The following MYBBP1A variants were observed in gnomAD, a reference collection of about 807,000 sequenced individuals.
MYBBP1A encodes the protein MYB binding protein 1a.
Under a neutral mutation model 136.3 loss-of-function variants are expected in MYBBP1A, and 147 were observed. That is an observed-to-expected ratio of 1.08 (90% CI 0.94 to 1.24). MYBBP1A has a LOEUF of 1.24. Among genes scored for constraint, MYBBP1A ranks in the 50% most tolerant of loss-of-function variants. The probability of loss-of-function intolerance (pLI) is 0.00; values close to 1 mark genes in which losing one functional copy is unlikely to be tolerated. For missense variants in MYBBP1A, 2,060 were observed against 1,727.4 expected, an observed-to-expected ratio of 1.19 and a Z score of -3.41; for synonymous variants, 947 against 735.8, an observed-to-expected ratio of 1.29 and a Z score of -4.65.
At position 4,548,424 on chromosome 17, in the gene MYBBP1A, G is replaced by GGGGCC; in HGVS notation, c.1556+95_1556+99dup. ...CTCTCCAGGACCTACTAGAACTCCG[G>GGGGCC]GGGCCTCTGCCGTTGTTCCCAGCTT... On this transcript the variant is annotated intron_variant, in intron 11 of 25. Transcript: ENST00000254718. This position sits in a 1 kb window ranked among gnomAD's most constrained non-coding sequence, Gnocchi z 4.2. 1 of 1,606,656 alleles carries GGGGCC rather than the reference G, an allele frequency of 6.2e-7. No individual in the cohort carries two copies. Among genetic ancestry groups the GGGGCC allele is most frequent in the Non-Finnish European group, 8.5e-7 (1 of 1,175,448 alleles).
At chr17:4,541,723 G>A (rs1235192336) in intron 23 of MYBBP1A, 61 bp downstream of exon 23, 3 of 1,517,712 alleles carry the variant, frequency 2.0e-6, no homozygotes, top group Non-Finnish European at 2.7e-6. Flanking sequence ...CTTTCCCAGA[G>A]ATCGGTCTCC....
chr17:4,546,256 T>C (rs1030632356), intron 13 of MYBBP1A, among the ~76,000 whole-genome samples: 17 of 152,312 alleles, frequency 1.1e-4, no homozygotes, highest in African/African-American at 1.7e-4. Flanking sequence ...GTAGCTGGGA[T>C]TGCAGGCGTG....
rs1280021266 is a variant in MYBBP1A, at chr17:4,542,668, C to T, written c.2966G>A (p.Arg989His). The stretch of plus-strand genomic sequence containing the variant: ...CATGGGAACTGTGAGGGGGCTGTTG[C>T]GCTTGGTCAGGAAGGAGCTCAGTGC... ...STALSSFLTK[R>H]NSPLTVPMFL... is the part of the protein sequence containing the mutation. Residue 989 changes from arginine to histidine, a missense_variant, in exon 21 of 26, where the codon CGC (arginine) becomes CAC (histidine). Arg to His is a conservative substitution (Grantham distance 29). Transcript: ENST00000254718. 1.1e-5 allele frequency: 17 copies of T among 1,614,040 alleles called. No individual in the cohort carries two copies. Among genetic ancestry groups the T allele is most frequent in the East Asian group, 2.2e-5 (1 of 44,874 alleles).
At chr17:4,549,305 A>AT in intron 10 of MYBBP1A, 27 bp downstream of exon 10, 1 of 1,599,832 alleles carries the variant, frequency 6.3e-7, no homozygotes, top group Non-Finnish European at 8.5e-7. Context: ...CGCCCATGGG[A>AT]AGCTGGGAAT....
At chr17:4,551,137 A>G (rs147989681) in intron 8 of MYBBP1A, among the ~76,000 whole-genome samples, 41 of 152,306 alleles carry the variant, frequency 2.7e-4, no homozygotes, top group African/African-American at 9.4e-4. Context: ...GTGCACCACC[A>G]TCCAACCCAA....
At chr17:4,549,779 C>G (rs1353482138) in intron 9 of MYBBP1A, among the ~76,000 whole-genome samples, 1 of 92,454 alleles carries the variant, frequency 1.1e-5, no homozygotes, top group African/African-American at 4.3e-5. Context: ...GAGAGTGAGA[C>G]TCTGTCAAAA....
chr17:4,551,985 G>A lies in MYBBP1A; in HGVS notation c.918C>T (p.Phe306=). ...GGGGCAGGGCCGCGCCCAGCAGGCGGAAACACAGGTAGCTAAAGGGGGTGC... is the reference window on the plus strand; with the variant it reads ...GGGGCAGGGCCGCGCCCAGCAGGCGAAAACACAGGTAGCTAAAGGGGGTGC... The part of the protein sequence containing the change: ...MQFWPASYLC[F]RLLGAALPLL... Residue 306 remains phenylalanine (F), a synonymous_variant, in exon 8 of 26, where the codon TTC becomes TTT. Coordinates refer to ENST00000254718, the MANE Select transcript of MYBBP1A (RefSeq NM_014520.4). 6.2e-7 allele frequency: 1 copy of A among 1,609,468 alleles called. No individual in the cohort carries two copies. The highest frequency in any genetic ancestry group is 8.5e-7 in the Non-Finnish European group (1 of 1,176,708).
Position 4,539,300 on chromosome 17 carries a change from A to C in MYBBP1A, c.*115T>G. On this transcript the variant is annotated 3_prime_UTR_variant, in exon 26 of 26. Transcript: ENST00000254718. The stretch of plus-strand genomic sequence containing the variant: ...GCAGGCGGCAACAGCCACCCTCCCC[A>C]GTGGCAGCGCCTTAGAAACAGCTTG... The C allele has an allele frequency of 6.7e-7, 1 of 1,495,092 alleles. No homozygotes were observed. Among genetic ancestry groups the C allele is most frequent in the Non-Finnish European group, 8.8e-7 (1 of 1,133,098 alleles). The allele number at this position is 1,495,092 out of a possible 1,614,324, so 92.6% of individuals were successfully genotyped here. A position where few individuals can be genotyped will look rare whatever the true frequency, so the allele number is the denominator to read the frequency against.
In MYBBP1A at chr17:4,544,708, G is replaced by A. The variant is rs144899208; in HGVS notation, c.2481+43C>T. On this transcript the variant is annotated intron_variant, in intron 18 of 25. Transcript: ENST00000254718. Reference sequence around the variant, plus strand: ...GGCGCACAGGGAGGCGGGGGTGGGCGCACAGGGAGGCGGGGGTGGGTGCGG... The same window carrying A: ...GGCGCACAGGGAGGCGGGGGTGGGCACACAGGGAGGCGGGGGTGGGTGCGG... The A allele has an allele frequency of 0.011, 9,036 of 830,144 alleles. 427 individuals are homozygous for A. In the African/African-American group the frequency reaches 0.12, roughly 11 times the overall value. The allele number at this position is 830,144 out of a possible 1,614,324, so 51.4% of individuals were successfully genotyped here. A position where few individuals can be genotyped will look rare whatever the true frequency, so the allele number is the denominator to read the frequency against.
rs752895132 is a variant in MYBBP1A, at chr17:4,551,994, G to A, written c.909C>T (p.Tyr303=). The change falls in exon 8 of 26, where the codon TAC becomes TAT. Residue 303 remains tyrosine (Y), a synonymous_variant. Transcript: ENST00000254718. Reference sequence around the variant, plus strand: ...CCGCGCCCAGCAGGCGGAAACACAGGTAGCTAAAGGGGGTGCAGGACAGAG... The same window carrying A: ...CCGCGCCCAGCAGGCGGAAACACAGATAGCTAAAGGGGGTGCAGGACAGAG... ...LLKMQFWPAS[Y]LCFRLLGAAL... 6.2e-7 allele frequency: 1 copy of A among 1,608,034 alleles called. No homozygotes were observed. Among genetic ancestry groups the A allele is most frequent in the Non-Finnish European group, 8.5e-7 (1 of 1,175,840 alleles).
rs534032400 is a variant in MYBBP1A, at chr17:4,550,123, G to C, written c.1254C>G (p.Asp418Glu). The change falls in exon 9 of 26, where the codon GAC becomes GAG. Residue 418 changes from aspartate to glutamate, a missense_variant. Transcript: ENST00000254718. Reference protein sequence around the residue: ...AWLRAMFLQPDLDSLVDFSTN... With the variant: ...AWLRAMFLQPELDSLVDFSTN... ...TGCTGAAGTCAACCAAGGAGTCCAG[G>C]TCTGGCTGGAGAAACATGGCCCGCA... The C allele has an allele frequency of 2.5e-6, 4 of 1,614,070 alleles. No individual in the cohort carries two copies. In the African/African-American group the frequency reaches 4.0e-5, roughly 16 times the overall value.
rs1567606947 is a variant in MYBBP1A at position 4,544,731 on chromosome 17, C to CACAGGGAGGCG, written c.2481+19_2481+20insCGCCTCCCTGT. 1.3e-6 allele frequency: 2 copies of CACAGGGAGGCG among 1,522,120 alleles called. No homozygotes were observed. Among genetic ancestry groups the CACAGGGAGGCG allele is most frequent in the African/African-American group, 2.8e-5 (2 of 72,490 alleles). The allele number at this position is 1,522,120 out of a possible 1,614,324, so 94.3% of individuals were successfully genotyped here. On this transcript the variant is annotated intron_variant, in intron 18 of 25. Transcript: ENST00000254718. ...GCGCACAGGGAGGCGGGGGTGGGTG[C>CACAGGGAGGCG]GGCCCGCCCCCAGGCTCACCCGGAT... is the stretch of plus-strand genomic sequence containing the variant.
At chr17:4,540,089 T>TATGAGGGTCCC (rs1906228034) in intron 25 of MYBBP1A, 122 bp from the exon 26 acceptor site, 4 of 1,279,406 alleles carry the variant, frequency 3.1e-6, no homozygotes, top group South Asian at 2.8e-5. Flanking sequence ...GTGAGGCCCC[T>TATGAGGGTCCC]ATGAGGGTCC....
At position 4,553,030 on chromosome 17, in the gene MYBBP1A, C is replaced by A. The variant is rs183229025; in HGVS notation, c.562-404G>T. Among the ~76,000 whole-genome samples, 1,140 of 152,274 alleles carry A rather than the reference C, an allele frequency of 7.5e-3. 8 individuals are homozygous for A. Among genetic ancestry groups the A allele is most frequent in the African/African-American group, 0.021 (869 of 41,540 alleles). The stretch of plus-strand genomic sequence containing the variant: ...AGAGATGGGGTTTCACCATGTTGGC[C>A]AGGCTGGTCTTGAACTCCTGACCTC... On this transcript the variant is annotated intron_variant, in intron 5 of 25. Transcript: ENST00000254718.
intron 13 of MYBBP1A, 34 bp from the exon 14 acceptor site, chr17:4,545,976 G>A: frequency 6.3e-7 from 1 of 1,593,214 alleles, no homozygotes; most frequent in South Asian, 1.1e-5. Context: ...CTGGGGCCAG[G>A]CCCTGTCCCC....
rs766464156 is a variant in MYBBP1A, at chr17:4,550,352, AGCT to A, written c.1024-2_1024del. 25 of 1,609,690 alleles carry A rather than the reference AGCT, an allele frequency of 1.6e-5. No individual in the cohort carries two copies. In the African/African-American group the frequency reaches 2.9e-4, roughly 19 times the overall value. Reference sequence around the variant, plus strand: ...TGGGGCAAACTTGAACTGCTTTGGGAGCTGCAAGAGTTAGGCATGGCGCTGAGC... The same window carrying A: ...TGGGGCAAACTTGAACTGCTTTGGGAGCAAGAGTTAGGCATGGCGCTGAGC... On this transcript the variant is annotated splice_acceptor_variant and coding_sequence_variant, in exon 9 of 26. Coordinates refer to ENST00000254718, the MANE Select transcript of MYBBP1A (RefSeq NM_014520.4). LOFTEE classifies it high-confidence loss of function.
intron 19 of MYBBP1A, 171 bp from the exon 20 acceptor site, chr17:4,543,336 CTGTG>C: frequency 1.2e-6 from 1 of 868,152 alleles, no homozygotes; most frequent in Non-Finnish European, 1.7e-6. Flanking sequence ...TGCCTGGAAG[CTGTG>C]TGGGCTCAGA....
chr17:4,545,353 G>A lies in MYBBP1A; in HGVS notation c.2074-8C>T, dbSNP rs1167458264. ...GGTCTCGGGGTTCAGCACCTGGGGAGGGGTGCCAGCCACTGACCCATTTGC... is the reference window on the plus strand; with the variant it reads ...GGTCTCGGGGTTCAGCACCTGGGGAAGGGTGCCAGCCACTGACCCATTTGC... On this transcript the variant is annotated splice_polypyrimidine_tract_variant and splice_region_variant and intron_variant, in intron 15 of 25. Coordinates refer to ENST00000254718, the MANE Select transcript of MYBBP1A (RefSeq NM_014520.4). 14 of 1,612,674 alleles carry A rather than the reference G, an allele frequency of 8.7e-6. No individual in the cohort carries two copies. The highest frequency in any genetic ancestry group is 1.0e-5 in the Non-Finnish European group (12 of 1,179,890).
intron 24 of MYBBP1A, 31 bp downstream of exon 24, chr17:4,541,432 A>G (rs1469625918): frequency 6.3e-7 from 1 of 1,598,830 alleles, no homozygotes; most frequent in South Asian, 1.1e-5. Context: ...GAGGAACCCG[A>G]ACACGACCGC....
Sources: allele counts gnomAD v4.1 joint callset (sites outside exome capture counted in the v4.1 genomes callset), GRCh38; gene constraint gnomAD v4.1.1; non-coding constraint Gnocchi (gnomAD v3.1); transcripts MANE v1.5; gene names NCBI Gene and HGNC (gene_info 2026-07-23, HGNC 2026-07-21).